NALCN: variants seen among roughly 807,000 people sequenced by gnomAD.
NALCN encodes the protein sodium leak channel NALCN.
A neutral mutation model predicts 225.3 loss-of-function variants in NALCN; 111 were observed. That is an observed-to-expected ratio of 0.49 (90% CI 0.42 to 0.58). The LOEUF (loss-of-function observed/expected upper bound fraction) is 0.58, where lower values mean the gene tolerates loss of function less well. NALCN is among the 20% of genes least tolerant of loss of function. The pLI is 0.00. For synonymous variants in NALCN, 764 were observed against 769.0 expected (o/e 0.99, Z 0.11); for missense variants, 1,378 against 2,202.4 (o/e 0.63, Z 7.49).
chr13:101,106,727 A>G (rs888863117), intron 22 of NALCN, among the ~76,000 whole-genome samples: 1 of 152,190 alleles, frequency 6.6e-6, no homozygotes, highest in Non-Finnish European at 1.5e-5. Flanking sequence ...GTCTGCTGCC[A>G]TGTAAGATGT....
At position 101,089,764 on chromosome 13, in the gene NALCN, G is replaced by C. The variant is rs748282615; in HGVS notation, c.3391-3C>G. ...ACATGAATATAGATTCCATGGATCT[G>C]CATAAAGGAAAATATGGTTATTCAT... is the stretch of plus-strand genomic sequence containing the variant. On this transcript the variant is annotated splice_polypyrimidine_tract_variant and splice_region_variant and intron_variant, in intron 29 of 43. Transcript: ENST00000251127. The surrounding 1 kb of genome is among the most constrained non-coding windows in gnomAD (Gnocchi z 4.7). 7 of 1,613,968 alleles carry C rather than the reference G, an allele frequency of 4.3e-6. No individual in the cohort carries two copies. The highest frequency in any genetic ancestry group is 5.9e-6 in the Non-Finnish European group (7 of 1,179,894).
chr13:101,104,226 A>G lies in NALCN; in HGVS notation c.2889+69T>C, dbSNP rs921527671. On this transcript the variant is annotated intron_variant, in intron 25 of 43. Transcript: ENST00000251127. This position sits in a 1 kb window ranked among gnomAD's most constrained non-coding sequence, Gnocchi z 4.2. The stretch of plus-strand genomic sequence containing the variant: ...TCTGTAACTCATACCTCTTGCGCTT[A>G]TACCAAGAAATGCAGGAGATTTTAC... 4.6e-6 allele frequency: 7 copies of G among 1,534,448 alleles called. No individual in the cohort carries two copies. In the East Asian group the frequency reaches 1.6e-4, roughly 35 times the overall value.
At chr13:101,273,884 C>CAAAAAAAA (rs34847260) in intron 10 of NALCN, among the ~76,000 whole-genome samples, 7 of 95,858 alleles carry the variant, frequency 7.3e-5, no homozygotes, top group East Asian at 3.1e-4. Flanking sequence ...GACTCCATCT[C>CAAAAAAAA]AAAAAAAAAA....
intron 19 of NALCN, 119 bp downstream of exon 19, chr13:101,111,006 T>C: frequency 2.1e-6 from 2 of 962,226 alleles, no homozygotes; most frequent in South Asian, 1.7e-5. Flanking sequence ...TAGAACGCGA[T>C]TCCTCAGCCA....
chr13:101,326,522 T>G (rs997590707), intron 7 of NALCN, among the ~76,000 whole-genome samples: 3 of 152,210 alleles, frequency 2.0e-5, no homozygotes, highest in African/African-American at 7.2e-5. Context: ...AATTAGTTTT[T>G]GGAAAATACA....
At chr13:101,411,315 G>A (rs1336712564) in intron 1 of NALCN, among the ~76,000 whole-genome samples, 3 of 148,462 alleles carry the variant, frequency 2.0e-5, no homozygotes, top group East Asian at 2.0e-4. Context: ...GCATGCTTCC[G>A]CTTCCATTTC....
intron 6 of NALCN, among the ~76,000 whole-genome samples, chr13:101,353,370 T>A (rs185299428): frequency 1.9e-3 from 282 of 152,328 alleles, no homozygotes; most frequent in South Asian, 6.4e-3. Context: ...CCTTCCAGCT[T>A]CACTTCAGAC....
At chr13:101,370,296 A>G (rs1378935550) in intron 6 of NALCN, among the ~76,000 whole-genome samples, 7 of 152,234 alleles carry the variant, frequency 4.6e-5, no homozygotes, top group African/African-American at 1.7e-4. Context: ...ACAAATAGAT[A>G]GCATTAAAAA....
At chr13:101,286,943 G>A (rs920437063) in intron 9 of NALCN, among the ~76,000 whole-genome samples, 3 of 151,326 alleles carry the variant, frequency 2.0e-5, no homozygotes, top group Non-Finnish European at 2.9e-5. Context: ...GTACTAATAT[G>A]TCATCAGCAT....
chr13:101,083,943 A>T (rs1246219999), intron 30 of NALCN, 139 bp from the exon 31 acceptor site: 1 of 690,608 alleles, frequency 1.4e-6, no homozygotes, highest in African/African-American at 1.8e-5. Flanking sequence ...GTGGTGAGAG[A>T]AACATGGTCA....
chr13:101,333,990 T>C (rs2045275800), intron 7 of NALCN, among the ~76,000 whole-genome samples: 1 of 152,002 alleles, frequency 6.6e-6, no homozygotes, highest in Non-Finnish European at 1.5e-5. Flanking sequence ...AGAATGATGA[T>C]TTTCAAAAGG....
intron 15 of NALCN, among the ~76,000 whole-genome samples, chr13:101,165,414 A>G (rs2038390931): frequency 6.6e-6 from 1 of 152,210 alleles, no homozygotes; most frequent in African/African-American, 2.4e-5. Flanking sequence ...TTTAAATAAA[A>G]GAAATTAATT....
intron 6 of NALCN, among the ~76,000 whole-genome samples, chr13:101,375,197 A>G (rs983062689): frequency 2.6e-5 from 4 of 152,116 alleles, no homozygotes; most frequent in African/African-American, 9.7e-5. Context: ...TCTCTTTATG[A>G]CAACAAAATA....
At chr13:101,193,347 C>G (rs1418819447) in intron 13 of NALCN, among the ~76,000 whole-genome samples, 2 of 152,076 alleles carry the variant, frequency 1.3e-5, no homozygotes, top group African/African-American at 2.4e-5. Flanking sequence ...GGCTGAGAAG[C>G]GACCTAACTG....
intron 14 of NALCN, 79 bp downstream of exon 14, chr13:101,191,838 G>T: frequency 6.8e-7 from 1 of 1,465,966 alleles, no homozygotes; most frequent in Non-Finnish European, 9.2e-7. Flanking sequence ...TTTTGAAATT[G>T]ACAATAGGCC....
intron 9 of NALCN, 35 bp from the exon 10 acceptor site, chr13:101,284,054 T>C (rs2043257140): frequency 1.9e-6 from 3 of 1,575,478 alleles, no homozygotes; most frequent in African/African-American, 2.7e-5. Flanking sequence ...GTCAGAGACA[T>C]TTAATATGGA....
chr13:101,400,324 C>A (rs906133843), intron 1 of NALCN, among the ~76,000 whole-genome samples: 2 of 152,016 alleles, frequency 1.3e-5, no homozygotes, highest in African/African-American at 4.8e-5. Context: ...CATGCTGAAG[C>A]TGCAGACTAT....
At position 101,107,571 on chromosome 13, in the gene NALCN, T is replaced by G. The variant is rs549182297; in HGVS notation, c.2495A>C (p.Tyr832Ser). 6.2e-7 allele frequency: 1 copy of G among 1,613,984 alleles called. No homozygotes were observed. The highest frequency in any genetic ancestry group is 2.2e-5 in the East Asian group (1 of 44,888). ...QEEELRENHP[Y>S]FDKPLFIVGR... ...GACAATGAACAGTGGCTTATCGAAG[T>G]ATGGGTGGTTCTCTCTGAGTTCCTC... The change falls in exon 22 of 44, where the codon TAC becomes TCC. Residue 832 changes from tyrosine to serine, a missense_variant. Physicochemically the swap from Tyr to Ser is moderately radical, Grantham distance 144. This residue lies in a region of NALCN where 292 missense variants were observed against 409.5 expected (regional missense o/e 0.71). Coordinates refer to ENST00000251127, the MANE Select transcript of NALCN (RefSeq NM_052867.4).
At chr13:101,065,706 G>T in intron 39 of NALCN, 145 bp from the exon 40 acceptor site, 1 of 963,184 alleles carries the variant, frequency 1.0e-6, no homozygotes, top group Non-Finnish European at 1.5e-6. Context: ...CCTCCTTGGA[G>T]CCTGGTAGAA....
Sources: allele counts gnomAD v4.1 joint callset (sites outside exome capture counted in the v4.1 genomes callset), GRCh38; gene constraint gnomAD v4.1.1; regional missense constraint gnomAD v4.1.1; non-coding constraint Gnocchi (gnomAD v3.1); transcripts MANE v1.5; gene names NCBI Gene and HGNC (gene_info 2026-07-23, HGNC 2026-07-21).